Variants in NALF1 observed in about 807,000 individuals in gnomAD.
NALF1 encodes the protein NALCN channel auxiliary factor 1, also known as family with sequence similarity 155 member A.
A neutral mutation model predicts 48.4 loss-of-function variants in NALF1; 3 were observed. That is an observed-to-expected ratio of 0.06 (90% CI 0.03 to 0.16). The LOEUF is 0.16. NALF1 is among the 10% of genes least tolerant of loss of function. The probability of loss-of-function intolerance (pLI) is 1.00; values close to 1 mark genes in which losing one functional copy is unlikely to be tolerated. For synonymous variants in NALF1, 262 were observed against 245.7 expected (o/e 1.07, Z -0.62); for missense variants, 526 against 571.5 (o/e 0.92, Z 0.81).
At chr13:107,221,282 TTTAAAAAA>T (rs1241602921) in intron 1 of NALF1, among the ~76,000 whole-genome samples, 1 of 151,588 alleles carries the variant, frequency 6.6e-6, no homozygotes, top group Non-Finnish European at 1.5e-5. Flanking sequence ...GCTATTGAAA[TTTAAAAAA>T]TTCAAGGCCA....
chr13:107,428,625 G>A (rs1192678918), intron 1 of NALF1, among the ~76,000 whole-genome samples: 2 of 152,148 alleles, frequency 1.3e-5, no homozygotes, highest in Admixed American at 1.3e-4. Flanking sequence ...AGAGACAGTG[G>A]TGTATTGTTA....
At chr13:107,725,978 A>G (rs1447635469) in intron 1 of NALF1, among the ~76,000 whole-genome samples, 1 of 151,988 alleles carries the variant, frequency 6.6e-6, no homozygotes, top group Non-Finnish European at 1.5e-5. Flanking sequence ...TTGAGTAGAC[A>G]TTTTTCGCTT....
At chr13:107,679,562 G>A (rs1881222163) in intron 1 of NALF1, among the ~76,000 whole-genome samples, 2 of 152,194 alleles carry the variant, frequency 1.3e-5, no homozygotes, top group Admixed American at 1.3e-4. Flanking sequence ...GAGTGGACAT[G>A]GGCTCTGTGC....
At chr13:107,507,594 TAAAAAAAAAAAAAAA>T (rs548709767) in intron 1 of NALF1, among the ~76,000 whole-genome samples, 3 of 86,420 alleles carry the variant, frequency 3.5e-5, no homozygotes, top group African/African-American at 1.7e-4. Context: ...TATTCTCCAT[TAAAAAAAAAAAAAAA>T]AAAAAAAAAA....
At chr13:107,399,510 G>T (rs1883768469) in intron 1 of NALF1, among the ~76,000 whole-genome samples, 1 of 151,816 alleles carries the variant, frequency 6.6e-6, no homozygotes, top group Non-Finnish European at 1.5e-5. Context: ...AAAGAGAGAG[G>T]TCCCCCTGCT....
chr13:107,685,253 G>A (rs1229929670), intron 1 of NALF1, among the ~76,000 whole-genome samples: 1 of 152,178 alleles, frequency 6.6e-6, no homozygotes, highest in Non-Finnish European at 1.5e-5. Context: ...AGCCGAGGGT[G>A]CAGTGAGCCA....
chr13:107,251,177 T>C (rs1336175850), intron 1 of NALF1, among the ~76,000 whole-genome samples: 1 of 152,208 alleles, frequency 6.6e-6, no homozygotes, highest in Non-Finnish European at 1.5e-5. Flanking sequence ...CTGCTGTATA[T>C]TTAGCTATGT....
In NALF1 at chr13:107,649,046, G is replaced by T. The variant is rs930251773; in HGVS notation, c.915+216636C>A. Reference sequence around the variant, plus strand: ...ATTTGTACTGTTTGTCTTTGTTGTTGAGTTTTAAGAGCTCTTTTTACATTT... The same window carrying T: ...ATTTGTACTGTTTGTCTTTGTTGTTTAGTTTTAAGAGCTCTTTTTACATTT... On this transcript the variant is annotated intron_variant, in intron 1 of 2. Transcript: ENST00000375915. Among the ~76,000 whole-genome samples the T allele has an allele frequency of 3.9e-5, 6 of 152,190 alleles. No homozygotes were observed. In the South Asian group the frequency reaches 1.2e-3, roughly 32 times the overall value.
intron 1 of NALF1, among the ~76,000 whole-genome samples, chr13:107,848,234 G>C (rs1880221526): frequency 6.6e-6 from 1 of 152,102 alleles, no homozygotes; most frequent in Admixed American, 6.5e-5. Context: ...GAGCAAATTT[G>C]CACTAATACT....
intron 1 of NALF1, among the ~76,000 whole-genome samples, chr13:107,494,657 C>T (rs16970290): frequency 0.036 from 5,542 of 152,218 alleles, 338 homozygotes; most frequent in African/African-American, 0.12. Context: ...GGGTTAACTA[C>T]TGTGCTTTGT....
chr13:107,400,126 T>C (rs1002098210), intron 1 of NALF1, among the ~76,000 whole-genome samples: 1 of 152,142 alleles, frequency 6.6e-6, no homozygotes, highest in Non-Finnish European at 1.5e-5. Context: ...AGGTAATTGT[T>C]AACTAAAGGA....
Position 107,224,994 on chromosome 13 carries a change from A to T in NALF1, c.916-14239T>A, listed in dbSNP as rs895921384. Among the ~76,000 whole-genome samples the T allele has an allele frequency of 1.5e-4, 9 of 59,368 alleles. No homozygotes were observed. The South Asian group carries it at 2.5e-3, about 17-fold the overall frequency. The allele number at this position is 59,368 out of a possible 152,430, so 38.9% of individuals were successfully genotyped here. On this transcript the variant is annotated intron_variant, in intron 1 of 2. Coordinates refer to ENST00000375915, the MANE Select transcript of NALF1 (RefSeq NM_001080396.3). ...GAATATTCAGGTAACATTTATTTTT[A>T]TTTTATTTTATTTTATTTTGTTTTG...
intron 1 of NALF1, among the ~76,000 whole-genome samples, chr13:107,822,146 G>T (rs952127969): frequency 2.0e-5 from 3 of 151,928 alleles, no homozygotes; most frequent in African/African-American, 7.3e-5. Flanking sequence ...AAAGCCTCTT[G>T]TTATAAAAGT....
chr13:107,697,267 T>G (rs975877003), intron 1 of NALF1, among the ~76,000 whole-genome samples: 2 of 151,956 alleles, frequency 1.3e-5, no homozygotes. Flanking sequence ...TATAAAAGAG[T>G]TCTGTATGTT....
chr13:107,748,483 C>T (rs1022467450), intron 1 of NALF1, among the ~76,000 whole-genome samples: 1 of 152,146 alleles, frequency 6.6e-6, no homozygotes, highest in Non-Finnish European at 1.5e-5. Flanking sequence ...TAAATGAACA[C>T]GATTATTCTC....
rs1032620235 is a variant in NALF1, at chr13:107,164,000, G to C, written c.*6497C>G. 2 of 152,160 alleles carry C rather than the reference G, an allele frequency of 1.3e-5. No individual in the cohort carries two copies. Among genetic ancestry groups the C allele is most frequent in the Non-Finnish European group, 2.9e-5 (2 of 68,008 alleles). 9.4% of individuals were successfully genotyped at this position (152,160 alleles called of 1,614,324 possible). A position where few individuals can be genotyped will look rare whatever the true frequency, so the allele number is the denominator to read the frequency against. On this transcript the variant is annotated 3_prime_UTR_variant, in exon 3 of 3. Coordinates refer to ENST00000375915, the MANE Select transcript of NALF1 (RefSeq NM_001080396.3). ...TGTTTTATCCATTTTGCAGTGAAAT[G>C]GTCAGTAGAAAATGGCCATAAGTTG...
chr13:107,617,044 A>G (rs1264453719), intron 1 of NALF1, among the ~76,000 whole-genome samples: 1 of 152,226 alleles, frequency 6.6e-6, no homozygotes, highest in African/African-American at 2.4e-5. Flanking sequence ...TTCCAGTACT[A>G]TAAATAGATG....
At chr13:107,342,031 A>G (rs1341268373) in intron 1 of NALF1, among the ~76,000 whole-genome samples, 13 of 152,190 alleles carry the variant, frequency 8.5e-5, no homozygotes, top group Admixed American at 7.9e-4. Context: ...TTAGCAAAAC[A>G]ACTAGACATT....
intron 1 of NALF1, among the ~76,000 whole-genome samples, chr13:107,639,410 C>A (rs1475504738): frequency 6.6e-6 from 1 of 152,162 alleles, no homozygotes; most frequent in Non-Finnish European, 1.5e-5. Context: ...CCATGCCATG[C>A]ACGCATTTGC....
Sources: gnomAD v4.1 joint callset for allele counts (sites outside exome capture counted in the v4.1 genomes callset) on GRCh38, gnomAD v4.1.1 for gene constraint, MANE v1.5 for transcripts, NCBI Gene and HGNC (gene_info 2026-07-23, HGNC 2026-07-21) for gene names.